The following CUX1 variants were observed in gnomAD, a reference collection of about 807,000 sequenced individuals.
CUX1 encodes the protein protein CASP.
In CUX1, 31 loss-of-function variants were observed where a neutral mutation model predicts 158.8. That is an observed-to-expected ratio of 0.20 (90% CI 0.15 to 0.26). The LOEUF (loss-of-function observed/expected upper bound fraction) is 0.26. Ranked by LOEUF, CUX1 falls within the 10% of genes least tolerant of loss-of-function variation. The pLI is 1.00. For missense variants in CUX1, 1,589 were observed against 2,014.6 expected, an observed-to-expected ratio of 0.79 and a Z score of 4.04; for synonymous variants, 879 against 862.1, an observed-to-expected ratio of 1.02 and a Z score of -0.34.
At chr7:102,180,883 C>G (rs1792976656) in intron 11 of CUX1, among the ~76,000 whole-genome samples, 1 of 150,000 alleles carries the variant, frequency 6.7e-6, no homozygotes, top group Admixed American at 6.6e-5. Context: ...TCAGCCAGGT[C>G]GTTTTTTTTA....
At chr7:102,047,557 A>T (rs1822968511) in intron 3 of CUX1, among the ~76,000 whole-genome samples, 1 of 134,632 alleles carries the variant, frequency 7.4e-6, no homozygotes, top group Non-Finnish European at 1.6e-5. Flanking sequence ...AGAGGGATGG[A>T]TGGATGATTA....
chr7:101,960,552 A>C (rs1345433600), intron 2 of CUX1: 2 of 152,190 alleles, frequency 1.3e-5, no homozygotes, highest in African/African-American at 4.8e-5. Context: ...GAGGTGGGAG[A>C]ATCTATTGAG....
At chr7:102,087,535 G>A (rs532060894) in intron 4 of CUX1, among the ~76,000 whole-genome samples, 20 of 152,036 alleles carry the variant, frequency 1.3e-4, no homozygotes, top group Admixed American at 5.2e-4. Context: ...AGCTGAGTTC[G>A]TGCCGTTGCA....
chr7:102,140,589 G>A (rs575661499), intron 8 of CUX1, among the ~76,000 whole-genome samples: 1 of 151,606 alleles, frequency 6.6e-6, no homozygotes, highest in Non-Finnish European at 1.5e-5. Context: ...GCTGGGTGCA[G>A]TGACACACAC....
intron 1 of CUX1, among the ~76,000 whole-genome samples, chr7:101,899,960 C>T (rs1801957601): frequency 6.6e-6 from 1 of 152,164 alleles, no homozygotes; most frequent in Non-Finnish European, 1.5e-5. Context: ...AATTGTGTAT[C>T]TTCATTTAGT....
chr7:102,011,453 C>CTTAT (rs1018995715), intron 2 of CUX1, among the ~76,000 whole-genome samples: 3 of 151,684 alleles, frequency 2.0e-5, no homozygotes, highest in Non-Finnish European at 4.4e-5. Flanking sequence ...TGCTTGCTTG[C>CTTAT]TTATTTATTT....
chr7:101,889,955 A>G (rs1180342462), intron 1 of CUX1, among the ~76,000 whole-genome samples: 1 of 152,048 alleles, frequency 6.6e-6, no homozygotes, highest in Non-Finnish European at 1.5e-5. Flanking sequence ...AAGCTTTTCC[A>G]CCTTCACTAC....
intron 8 of CUX1, among the ~76,000 whole-genome samples, chr7:102,142,952 C>A (rs565201965): frequency 6.6e-6 from 1 of 152,184 alleles, no homozygotes; most frequent in Non-Finnish European, 1.5e-5. Context: ...AAAAACAAAT[C>A]TGAAAGTAAA....
intron 1 of CUX1, among the ~76,000 whole-genome samples, chr7:101,828,001 G>T (rs574944656): frequency 1.4e-5 from 2 of 145,832 alleles, no homozygotes; most frequent in Admixed American, 6.9e-5. Context: ...TTTGAGATGG[G>T]AGTTTTACCC....
intron 9 of CUX1, among the ~76,000 whole-genome samples, chr7:102,170,227 C>T (rs1175213921): frequency 4.6e-5 from 7 of 152,168 alleles, no homozygotes; most frequent in Admixed American, 3.9e-4. Context: ...TTGCTCCTAG[C>T]GTTAAATTAC....
chr7:102,191,958 G>C (rs1411333251), intron 12 of CUX1, among the ~76,000 whole-genome samples: 1 of 152,114 alleles, frequency 6.6e-6, no homozygotes, highest in Admixed American at 6.6e-5. Flanking sequence ...TGCCACACCA[G>C]CCCCGCTTGT....
intron 20 of CUX1, among the ~76,000 whole-genome samples, chr7:102,215,824 C>T (rs1796991278): frequency 6.6e-6 from 1 of 152,162 alleles, no homozygotes; most frequent in Non-Finnish European, 1.5e-5. Flanking sequence ...CCCATTGCAG[C>T]CCAGACATTA....
At chr7:102,216,233 A>T (rs1797027971) in intron 20 of CUX1, among the ~76,000 whole-genome samples, 1 of 152,016 alleles carries the variant, frequency 6.6e-6, no homozygotes, top group Admixed American at 6.6e-5. Context: ...CGGAAGGATC[A>T]TTGGACCCTA....
At chr7:101,937,509 CTTT>C (rs568227733) in intron 2 of CUX1, among the ~76,000 whole-genome samples, 2 of 141,840 alleles carry the variant, frequency 1.4e-5, no homozygotes, top group Non-Finnish European at 3.1e-5. Context: ...AAAATCAAGT[CTTT>C]TTTTTTTTTT....
intron 1 of CUX1, among the ~76,000 whole-genome samples, chr7:101,856,976 G>T (rs558382795): frequency 6.6e-6 from 1 of 152,130 alleles, no homozygotes; most frequent in Admixed American, 6.6e-5. Flanking sequence ...CCTCCTGGGC[G>T]CACCCTCCCT....
Position 101,869,650 on chromosome 7 carries a change from ACG to A in CUX1, c.31-46462_31-46461del, listed in dbSNP as rs1798271158. Among the ~76,000 whole-genome samples the A allele has an allele frequency of 6.6e-6, 1 of 152,070 alleles. No homozygotes were observed. Among genetic ancestry groups the A allele is most frequent in the Admixed American group, 6.5e-5 (1 of 15,274 alleles). ...GGCGGGAGGAGGCGTTGGTGTGCAC[ACG>A]CGGGGAGCCTCCGTGTCCTCAGGAC... On this transcript the variant is annotated intron_variant, in intron 1 of 23. Transcript: ENST00000292535. The surrounding 1 kb of genome is among the most constrained non-coding windows in gnomAD (Gnocchi z 4.5).
chr7:101,908,937 G>C (rs1803081279), intron 1 of CUX1, among the ~76,000 whole-genome samples: 1 of 152,204 alleles, frequency 6.6e-6, no homozygotes, highest in Admixed American at 6.5e-5. Context: ...GTCCAGGTGT[G>C]AGCTACCACA....
chr7:102,197,870 G>A (rs1404758582), intron 15 of CUX1, among the ~76,000 whole-genome samples: 2 of 152,114 alleles, frequency 1.3e-5, no homozygotes, highest in African/African-American at 4.8e-5. Flanking sequence ...AAACAGGCCT[G>A]GCTTGAGTAA....
chr7:101,999,676 C>T (rs568645129), intron 2 of CUX1, among the ~76,000 whole-genome samples: 2 of 152,356 alleles, frequency 1.3e-5, no homozygotes, highest in African/African-American at 4.8e-5. Context: ...AGCAGGGCCG[C>T]TTGCAGCCCA....
Sources: allele counts gnomAD v4.1 joint callset (sites outside exome capture counted in the v4.1 genomes callset), GRCh38; gene constraint gnomAD v4.1.1; non-coding constraint Gnocchi (gnomAD v3.1); transcripts MANE v1.5; gene names NCBI Gene and HGNC (gene_info 2026-07-23, HGNC 2026-07-21).